The following PTPRM variants were observed in gnomAD, a reference collection of about 807,000 sequenced individuals.
PTPRM encodes protein tyrosine phosphatase receptor type M.
In PTPRM, 47 loss-of-function variants were observed where a neutral mutation model predicts 186.7. The observed-to-expected ratio is 0.25, with a 90% CI of 0.20 to 0.32. PTPRM has a LOEUF of 0.32. Ranked by LOEUF, PTPRM falls within the 10% of genes least tolerant of loss-of-function variation. PTPRM has a pLI of 1.00. For missense variants in PTPRM, 1,494 were observed against 1,865.0 expected, an observed-to-expected ratio of 0.80 and a Z score of 3.66; for synonymous variants, 668 against 674.9, an observed-to-expected ratio of 0.99 and a Z score of 0.16.
intron 4 of PTPRM, among the ~76,000 whole-genome samples, chr18:7,918,208 A>G (rs1251640102): frequency 6.6e-6 from 1 of 152,156 alleles, no homozygotes; most frequent in Non-Finnish European, 1.5e-5. Flanking sequence ...ATAGGAGTGC[A>G]GATATCTTTT....
intron 7 of PTPRM, among the ~76,000 whole-genome samples, chr18:7,966,518 TG>T (rs2054070602): frequency 6.6e-6 from 1 of 150,576 alleles, no homozygotes; most frequent in African/African-American, 2.5e-5. Context: ...AGAAGACGGG[TG>T]ATTTCTGCAT....
At chr18:7,863,639 G>A (rs2047512738) in intron 2 of PTPRM, among the ~76,000 whole-genome samples, 1 of 152,156 alleles carries the variant, frequency 6.6e-6, no homozygotes, top group Admixed American at 6.5e-5. Flanking sequence ...TTGCTATTGT[G>A]AATAGTGCCT....
At position 7,981,875 on chromosome 18, in the gene PTPRM, C is replaced by T. The variant is rs562468826; in HGVS notation, c.1132+26461C>T. Among the ~76,000 whole-genome samples, 19 of 152,208 alleles carry T rather than the reference C, an allele frequency of 1.2e-4. No homozygotes were observed. In the East Asian group the frequency reaches 1.5e-3, roughly 12 times the overall value. On this transcript the variant is annotated intron_variant, in intron 7 of 32. Transcript: ENST00000580170. The stretch of plus-strand genomic sequence containing the variant: ...GTATTTGTGTAGCTAAACATTGAAA[C>T]GTAGAAAAGGTACAGTAAAAATATG...
At chr18:8,088,378 T>C (rs1052348029) in intron 10 of PTPRM, among the ~76,000 whole-genome samples, 7 of 152,214 alleles carry the variant, frequency 4.6e-5, no homozygotes, top group Non-Finnish European at 1.0e-4. Flanking sequence ...GCATAAACAG[T>C]TTATTTGAGA....
intron 11 of PTPRM, among the ~76,000 whole-genome samples, chr18:8,092,327 T>C (rs2090781673): frequency 6.6e-6 from 1 of 152,160 alleles, no homozygotes; most frequent in African/African-American, 2.4e-5. Flanking sequence ...AACTAGCATG[T>C]AGGAGAGAAT....
intron 19 of PTPRM, among the ~76,000 whole-genome samples, chr18:8,279,309 A>G (rs1248073839): frequency 6.6e-6 from 1 of 152,238 alleles, no homozygotes; most frequent in Non-Finnish European, 1.5e-5. Flanking sequence ...AAGACTTCAT[A>G]GCTCTCAAGC....
At chr18:8,167,726 A>G (rs986452241) in intron 14 of PTPRM, among the ~76,000 whole-genome samples, 3 of 117,484 alleles carry the variant, frequency 2.6e-5, no homozygotes, top group Admixed American at 2.2e-4. Context: ...AGCAAGTGAA[A>G]TATTGTGGGC....
intron 1 of PTPRM, among the ~76,000 whole-genome samples, chr18:7,712,566 T>G (rs1451943695): frequency 6.6e-6 from 1 of 151,892 alleles, no homozygotes; most frequent in Admixed American, 6.6e-5. Context: ...AATAACAATC[T>G]CCTGCGAACT....
At chr18:8,052,232 G>A (rs2087554311) in intron 7 of PTPRM, among the ~76,000 whole-genome samples, 1 of 152,140 alleles carries the variant, frequency 6.6e-6, no homozygotes, top group African/African-American at 2.4e-5. Context: ...TGCTTCTTAT[G>A]ATACAAATTC....
intron 22 of PTPRM, among the ~76,000 whole-genome samples, chr18:8,336,530 C>T (rs966888213): frequency 3.0e-4 from 41 of 138,742 alleles, no homozygotes; most frequent in African/African-American, 9.9e-4. Flanking sequence ...CCAGCCTGGG[C>T]GACAGAGCTA....
At chr18:8,110,020 A>AT (rs1220743584) in intron 11 of PTPRM, among the ~76,000 whole-genome samples, 1 of 152,202 alleles carries the variant, frequency 6.6e-6, no homozygotes, top group Non-Finnish European at 1.5e-5. Context: ...TTCACATTAA[A>AT]TTTTAATAAG....
At chr18:7,718,446 A>G (rs566761672) in intron 1 of PTPRM, among the ~76,000 whole-genome samples, 1 of 152,348 alleles carries the variant, frequency 6.6e-6, no homozygotes, top group South Asian at 2.1e-4. Flanking sequence ...TAAGACCTGA[A>G]ACCATAAGCA....
chr18:8,073,201 G>T (rs991634619), intron 8 of PTPRM, among the ~76,000 whole-genome samples: 9 of 152,214 alleles, frequency 5.9e-5, no homozygotes, highest in Non-Finnish European at 1.3e-4. Flanking sequence ...TTTCAAATAA[G>T]AAATATCACT....
At chr18:8,344,659 G>A (rs900914406) in intron 23 of PTPRM, among the ~76,000 whole-genome samples, 3 of 151,912 alleles carry the variant, frequency 2.0e-5, no homozygotes, top group Non-Finnish European at 2.9e-5. Context: ...AATAAAGTGA[G>A]GACTAGAGAT....
chr18:8,405,565 C>A (rs1336367850), intron 32 of PTPRM, among the ~76,000 whole-genome samples: 1 of 152,198 alleles, frequency 6.6e-6, no homozygotes, highest in African/African-American at 2.4e-5. Flanking sequence ...CCTGTCTCAT[C>A]CTCCTCACTG....
At chr18:7,659,156 A>ACACACACAC in intron 1 of PTPRM, among the ~76,000 whole-genome samples, 2 of 137,890 alleles carry the variant, frequency 1.5e-5, no homozygotes, top group Non-Finnish European at 3.1e-5. Context: ...ACACACACAC[A>ACACACACAC]ATCTCCCTTC....
intron 1 of PTPRM, among the ~76,000 whole-genome samples, chr18:7,753,846 A>AT (rs140002410): frequency 0.036 from 5,288 of 146,872 alleles, 254 homozygotes; most frequent in African/African-American, 0.11. Flanking sequence ...TTATAATTCT[A>AT]TTTTTTTTTT....
rs563251435 is a variant in PTPRM at position 7,593,549 on chromosome 18, C to A, written c.73+25658C>A. 2.0e-5 allele frequency among the ~76,000 whole-genome samples: 3 copies of A among 152,274 alleles called. No individual in the cohort carries two copies. In the South Asian group the frequency reaches 6.2e-4, roughly 32 times the overall value. On this transcript the variant is annotated intron_variant, in intron 1 of 32. Coordinates refer to ENST00000580170, the MANE Select transcript of PTPRM (RefSeq NM_001105244.2). Reference sequence around the variant, plus strand: ...TCATACCCAAGTTAAAGGCAAGAAGCGGTGGAGCTTCCCCCATGTACATGA... The same window carrying A: ...TCATACCCAAGTTAAAGGCAAGAAGAGGTGGAGCTTCCCCCATGTACATGA...
chr18:8,351,976 A>T (rs114641498), intron 23 of PTPRM, among the ~76,000 whole-genome samples: 1 of 152,198 alleles, frequency 6.6e-6, no homozygotes, highest in Admixed American at 6.5e-5. Flanking sequence ...AAAAAGTTCA[A>T]CCAAAGAGCT....
Sources: gnomAD v4.1 joint callset for allele counts (sites outside exome capture counted in the v4.1 genomes callset) on GRCh38, gnomAD v4.1.1 for gene constraint, MANE v1.5 for transcripts, NCBI Gene and HGNC (gene_info 2026-07-23, HGNC 2026-07-21) for gene names.